Variants in PDCL3 observed in about 807,000 individuals in gnomAD.
PDCL3 encodes phosducin like 3.
In PDCL3, 22 loss-of-function variants were observed where a neutral mutation model predicts 26.5. The ratio of observed to expected loss-of-function variants is 0.83; its 90% CI spans 0.59 to 1.19. The LOEUF (loss-of-function observed/expected upper bound fraction) is 1.19. PDCL3 is among the 50% of genes most tolerant of loss of function. The pLI is 0.00. For missense variants in PDCL3, 246 were observed against 294.1 expected, an observed-to-expected ratio of 0.84 and a Z score of 1.20; for synonymous variants, 81 against 104.9, an observed-to-expected ratio of 0.77 and a Z score of 1.39.
intron 2 of PDCL3, among the ~76,000 whole-genome samples, chr2:100,568,672 TAGG>T (rs1250945989): frequency 2.0e-5 from 3 of 151,970 alleles, no homozygotes; most frequent in South Asian, 2.1e-4. Flanking sequence ...TGAGGCGGAA[TAGG>T]AGAAGAGAGG....
chr2:100,563,010 A>G lies in PDCL3; in HGVS notation c.-58A>G. ...GGCGCTGTGCGCGTGCACAAAAGAG[A>G]GCTGAGGGGCGGGGGCGCTGCGGCA... is the stretch of plus-strand genomic sequence containing the variant. On this transcript the variant is annotated 5_prime_UTR_variant, in exon 1 of 6. Transcript: ENST00000264254. 1 of 1,576,330 alleles carries G rather than the reference A, an allele frequency of 6.3e-7. No homozygotes were observed.
chr2:100,573,671 CA>C (rs67667967), intron 5 of PDCL3, among the ~76,000 whole-genome samples: 24,179 of 104,704 alleles, frequency 0.23, 2,074 homozygotes, highest in Middle Eastern at 0.34. Flanking sequence ...AACTCTATCT[CA>C]AAAAAAAAAA....
Position 100,569,578 on chromosome 2 carries a change from A to T in PDCL3, c.225A>T (p.Arg75Ser), listed in dbSNP as rs199816062. 1.6e-5 allele frequency: 25 copies of T among 1,612,710 alleles called. No homozygotes were observed. Among genetic ancestry groups the T allele is most frequent in the Non-Finnish European group, 2.1e-5 (25 of 1,179,722 alleles). ...EEDERAIEMYRRRRLAEWKAT... is the reference protein window; with the variant it reads ...EEDERAIEMYSRRRLAEWKAT... ...ATGTTTCTCTCCTTGTTTTGTGCAG[A>T]CGGCGGAGACTGGCTGAGTGGAAAG... Residue 75 changes from arginine (R) to serine (S), a missense_variant and splice_region_variant, in exon 4 of 6, where the codon AGA becomes AGT. By Grantham distance (110) the Arg-to-Ser change is moderately radical. Coordinates refer to ENST00000264254, the MANE Select transcript of PDCL3 (RefSeq NM_024065.5).
chr2:100,566,891 C>T (rs1675071029), intron 2 of PDCL3, among the ~76,000 whole-genome samples: 2 of 152,144 alleles, frequency 1.3e-5, no homozygotes, highest in Non-Finnish European at 2.9e-5. Flanking sequence ...TCTGTGATTC[C>T]CTTTGATAAT....
Position 100,576,386 on chromosome 2 carries a change from A to G in PDCL3, c.610A>G (p.Ile204Val). ...LEWKLSESGA[I>V]MTDLEENPKK... is the part of the protein sequence containing the mutation. The stretch of plus-strand genomic sequence containing the variant: ...ATGGAAACTGTCTGAATCTGGAGCA[A>G]TTATGACAGACCTGGAGGAAAACCC... Residue 204 changes from isoleucine (I) to valine (V), a missense_variant, in exon 6 of 6, where the codon ATT becomes GTT. Coordinates refer to ENST00000264254, the MANE Select transcript of PDCL3 (RefSeq NM_024065.5). 1.2e-6 allele frequency: 2 copies of G among 1,613,998 alleles called. No individual in the cohort carries two copies. The highest frequency in any genetic ancestry group is 1.3e-5 in the African/African-American group (1 of 75,050).
chr2:100,570,834 C>T (rs1675154059), intron 4 of PDCL3, among the ~76,000 whole-genome samples: 1 of 152,146 alleles, frequency 6.6e-6, no homozygotes. Context: ...AAACCTTCAG[C>T]GTTTTCTCAT....
intron 5 of PDCL3, among the ~76,000 whole-genome samples, chr2:100,572,549 C>T (rs1448022595): frequency 3.4e-5 from 5 of 147,464 alleles, no homozygotes; most frequent in Admixed American, 2.7e-4. Context: ...CAGAGTTTCA[C>T]TCTTCTTGCC....
chr2:100,566,415 G>C, intron 1 of PDCL3, 88 bp from the exon 2 acceptor site: 4 of 1,478,646 alleles, frequency 2.7e-6, no homozygotes, highest in Non-Finnish European at 3.7e-6. Flanking sequence ...CTCCCTTCCT[G>C]TCACTTTTCC....
rs202088379 is a variant in PDCL3 at position 100,566,641 on chromosome 2, C to G, written c.133+12C>G. The G allele has an allele frequency of 1.1e-5, 17 of 1,613,496 alleles. No homozygotes were observed. The highest frequency in any genetic ancestry group is 1.4e-5 in the Non-Finnish European group (17 of 1,179,682). ...CCAGCAGTCAGTGGGTGAGTTCACT[C>G]GCTTTCCTCTGCACCTGTCTGGGTT... is the stretch of plus-strand genomic sequence containing the variant. On this transcript the variant is annotated intron_variant, in intron 2 of 5. Transcript: ENST00000264254.
chr2:100,565,493 C>G (rs992960525), intron 1 of PDCL3, among the ~76,000 whole-genome samples: 2 of 150,782 alleles, frequency 1.3e-5, no homozygotes, highest in African/African-American at 4.9e-5. Flanking sequence ...CCAGGATGCT[C>G]TCGATCTCCT....
rs756512005 is a variant in PDCL3, at chr2:100,576,349, T to C, written c.578-5T>C. 1.2e-6 allele frequency: 2 copies of C among 1,606,390 alleles called. No individual in the cohort carries two copies. The highest frequency in any genetic ancestry group is 1.1e-5 in the South Asian group (1 of 90,424). On this transcript the variant is annotated splice_region_variant and splice_polypyrimidine_tract_variant and intron_variant, in intron 5 of 5. Coordinates refer to ENST00000264254, the MANE Select transcript of PDCL3 (RefSeq NM_024065.5). Reference sequence around the variant, plus strand: ...TAGGCAATTTGCTTTTTCTTTACCATATAGAGTTGGAATGGAAACTGTCTG... The same window carrying C: ...TAGGCAATTTGCTTTTTCTTTACCACATAGAGTTGGAATGGAAACTGTCTG...
intron 1 of PDCL3, among the ~76,000 whole-genome samples, chr2:100,565,852 T>C (rs1044809823): frequency 9.9e-5 from 15 of 152,208 alleles, no homozygotes; most frequent in African/African-American, 3.6e-4. Context: ...CTACAATAAT[T>C]TACATGTGGT....
At position 100,573,878 on chromosome 2, in the gene PDCL3, TAAAA is replaced by T. The variant is rs35731401; in HGVS notation, c.577+2085_577+2088del. On this transcript the variant is annotated intron_variant, in intron 5 of 5. Coordinates refer to ENST00000264254, the MANE Select transcript of PDCL3 (RefSeq NM_024065.5). The stretch of plus-strand genomic sequence containing the variant: ...AGAAGTGTGCAATTGTTTTTATTTC[TAAAA>T]AAAAGTCTTGAAGTCTAGTGAACTT... 1.3e-4 allele frequency among the ~76,000 whole-genome samples: 20 copies of T among 151,946 alleles called. No homozygotes were observed. In the East Asian group the frequency reaches 3.1e-3, roughly 23 times the overall value.
intron 2 of PDCL3, among the ~76,000 whole-genome samples, chr2:100,567,335 G>C (rs1675076745): frequency 6.6e-6 from 1 of 152,116 alleles, no homozygotes; most frequent in African/African-American, 2.4e-5. Context: ...TGCTTTTCTG[G>C]GGTTGGGGAT....
chr2:100,576,181 A>T (rs1440595580), intron 5 of PDCL3, among the ~76,000 whole-genome samples, 173 bp from the exon 6 acceptor site: 1 of 152,120 alleles, frequency 6.6e-6, no homozygotes, highest in African/African-American at 2.4e-5. Context: ...GGCTCAGGTG[A>T]TCCTCCTGCC....
chr2:100,575,238 C>T (rs879690809), intron 5 of PDCL3, among the ~76,000 whole-genome samples: 3 of 152,200 alleles, frequency 2.0e-5, no homozygotes, highest in African/African-American at 7.2e-5. Flanking sequence ...CACGTTCACA[C>T]CATTCTCCAG....
chr2:100,563,412 A>T (rs1674994005), intron 1 of PDCL3: 1 of 261,906 alleles, frequency 3.8e-6, no homozygotes, highest in Admixed American at 5.6e-5. Flanking sequence ...CCTAAGGCAC[A>T]CCTGGGCAGA....
At chr2:100,569,423 G>C (rs1365151809) in intron 3 of PDCL3, among the ~76,000 whole-genome samples, 155 bp from the exon 4 acceptor site, 2 of 152,158 alleles carry the variant, frequency 1.3e-5, no homozygotes, top group Non-Finnish European at 2.9e-5. Flanking sequence ...AGGAGCGACT[G>C]CAATTAAATA....
chr2:100,563,636 T>TA (rs1553417053), intron 1 of PDCL3: 4 of 149,156 alleles, frequency 2.7e-5, no homozygotes, highest in African/African-American at 5.0e-5. Flanking sequence ...TTTTTTTTTT[T>TA]ATTAAAATAG....
Sources: allele counts gnomAD v4.1 joint callset (sites outside exome capture counted in the v4.1 genomes callset), GRCh38; gene constraint gnomAD v4.1.1; transcripts MANE v1.5; gene names NCBI Gene and HGNC (gene_info 2026-07-23, HGNC 2026-07-21).